The following ST8SIA5 variants were observed in gnomAD, a reference collection of about 807,000 sequenced individuals.
The protein encoded by ST8SIA5 is ST8 alpha-N-acetyl-neuraminide alpha-2,8-sialyltransferase 5.
ST8SIA5 carries 24 observed loss-of-function variants against 40.2 expected under a neutral mutation model. That is an observed-to-expected ratio of 0.60 (90% CI 0.43 to 0.84). ST8SIA5 has a LOEUF of 0.84. Ranked by LOEUF, ST8SIA5 falls within the 40% of genes least tolerant of loss-of-function variation. The pLI is 0.00. For missense variants in ST8SIA5, 465 were observed against 498.5 expected (o/e 0.93, Z 0.64); for synonymous variants, 198 against 201.8 (o/e 0.98, Z 0.16).
intron 2 of ST8SIA5, among the ~76,000 whole-genome samples, chr18:46,704,238 A>G (rs950250494): frequency 9.9e-5 from 15 of 152,192 alleles, no homozygotes; most frequent in African/African-American, 3.6e-4. Flanking sequence ...ATTTCAGGCA[A>G]AACAGTCCTG....
chr18:46,703,370 G>A (rs1011545537), intron 2 of ST8SIA5, among the ~76,000 whole-genome samples: 7 of 152,082 alleles, frequency 4.6e-5, no homozygotes, highest in African/African-American at 1.4e-4. Flanking sequence ...GGATGGTCTC[G>A]ATCTCCTGAC....
intron 2 of ST8SIA5, among the ~76,000 whole-genome samples, chr18:46,692,528 C>T (rs537525596): frequency 2.0e-5 from 3 of 151,894 alleles, no homozygotes; most frequent in East Asian, 1.9e-4. Context: ...CTCAGCCTAC[C>T]GAGTAGCTGG....
chr18:46,750,305 A>C (rs2040184180), intron 1 of ST8SIA5, among the ~76,000 whole-genome samples: 1 of 152,148 alleles, frequency 6.6e-6, no homozygotes, highest in African/African-American at 2.4e-5. Context: ...CCCTCTGTTA[A>C]AGTGTAAACA....
chr18:46,731,289 G>A (rs2039982588), intron 1 of ST8SIA5, among the ~76,000 whole-genome samples: 1 of 152,176 alleles, frequency 6.6e-6, no homozygotes, highest in Non-Finnish European at 1.5e-5. Flanking sequence ...AACTCTTTTG[G>A]CGTTGCACAA....
chr18:46,727,759 G>A (rs190236829), intron 1 of ST8SIA5, among the ~76,000 whole-genome samples: 9 of 152,210 alleles, frequency 5.9e-5, no homozygotes, highest in African/African-American at 1.2e-4. Flanking sequence ...CAAGCCCGGC[G>A]TCAGGGCCCA....
intron 2 of ST8SIA5, among the ~76,000 whole-genome samples, chr18:46,703,450 G>A (rs1190156871): frequency 6.6e-6 from 1 of 152,194 alleles, no homozygotes; most frequent in Non-Finnish European, 1.5e-5. Flanking sequence ...TTAAAGGGTA[G>A]GTAATAGTGT....
At chr18:46,746,926 A>G (rs535971272) in intron 1 of ST8SIA5, among the ~76,000 whole-genome samples, 16 of 152,332 alleles carry the variant, frequency 1.1e-4, no homozygotes, top group Non-Finnish European at 2.4e-4. Context: ...CACATCTACA[A>G]CCATCTGATC....
chr18:46,746,896 A>T (rs1010415901), intron 1 of ST8SIA5, among the ~76,000 whole-genome samples: 3 of 152,234 alleles, frequency 2.0e-5, no homozygotes, highest in African/African-American at 7.2e-5. Context: ...AACAGAACAG[A>T]GGCCTCAGAA....
intron 1 of ST8SIA5, among the ~76,000 whole-genome samples, chr18:46,755,994 G>C (rs1599162599): frequency 6.6e-6 from 1 of 152,114 alleles, no homozygotes; most frequent in Non-Finnish European, 1.5e-5. Flanking sequence ...ACAAACAATC[G>C]ATACGATTTT....
At chr18:46,739,025 C>A (rs1287639636) in intron 1 of ST8SIA5, among the ~76,000 whole-genome samples, 1 of 152,214 alleles carries the variant, frequency 6.6e-6, no homozygotes, top group East Asian at 1.9e-4. Flanking sequence ...GTCTCATTTC[C>A]TGTCCACTGC....
intron 1 of ST8SIA5, among the ~76,000 whole-genome samples, chr18:46,710,367 C>CT (rs1239306239): frequency 5.5e-4 from 13 of 23,438 alleles, no homozygotes; most frequent in Non-Finnish European, 7.3e-4. Context: ...TCTTTCTTTT[C>CT]TTTCTTTCTT....
intron 1 of ST8SIA5, among the ~76,000 whole-genome samples, chr18:46,716,086 G>GGATA (rs61514320): frequency 0.27 from 37,767 of 139,488 alleles, 5,215 homozygotes; most frequent in Middle Eastern, 0.32. Flanking sequence ...GAGTCACACA[G>GGATA]GATAGATAGA....
At chr18:46,750,673 C>T (rs982175503) in intron 1 of ST8SIA5, among the ~76,000 whole-genome samples, 7 of 152,176 alleles carry the variant, frequency 4.6e-5, no homozygotes, top group East Asian at 3.9e-4. Context: ...CTCACTCTGA[C>T]GCCCTCGTCC....
chr18:46,712,105 C>T lies in ST8SIA5; in HGVS notation c.132-7441G>A, dbSNP rs567574418. Among the ~76,000 whole-genome samples the T allele has an allele frequency of 2.0e-5, 3 of 152,260 alleles. No homozygotes were observed. In the South Asian group the frequency reaches 6.2e-4, roughly 32 times the overall value. ...CCCCACCCCGGAGTTCTGCAGGGCCCCAGATCCAGTGTTTAACATATTCCC... is the reference window on the plus strand; with the variant it reads ...CCCCACCCCGGAGTTCTGCAGGGCCTCAGATCCAGTGTTTAACATATTCCC... On this transcript the variant is annotated intron_variant, in intron 1 of 6. Coordinates refer to ENST00000315087, the MANE Select transcript of ST8SIA5 (RefSeq NM_013305.6).
intron 1 of ST8SIA5, among the ~76,000 whole-genome samples, chr18:46,704,904 C>T (rs2039655170): frequency 6.6e-6 from 1 of 152,200 alleles, no homozygotes; most frequent in Non-Finnish European, 1.5e-5. Flanking sequence ...TTTACAGAGG[C>T]ATAAACAGAT....
intron 2 of ST8SIA5, among the ~76,000 whole-genome samples, chr18:46,693,093 C>T (rs2039523958): frequency 1.3e-5 from 2 of 152,090 alleles, no homozygotes; most frequent in East Asian, 1.9e-4. Context: ...GGCATGCCTC[C>T]TGTTTCTAGG....
rs957178885 is a variant in ST8SIA5 at position 46,675,484 on chromosome 18, GAC to G, written c.*4556_*4557del. The G allele has an allele frequency of 1.3e-5, 2 of 152,206 alleles. No homozygotes were observed. The highest frequency in any genetic ancestry group is 2.9e-5 in the Non-Finnish European group (2 of 68,048). The allele number at this position is 152,206 out of a possible 1,614,324, so 9.4% of individuals were successfully genotyped here. ...ATGTTGAGGTCTGAGATGCTGTGCA[GAC>G]ACAGACATGCAGGAGGCCACAGTGA... On this transcript the variant is annotated 3_prime_UTR_variant, in exon 7 of 7. Coordinates refer to ENST00000315087, the MANE Select transcript of ST8SIA5 (RefSeq NM_013305.6).
At position 46,732,690 on chromosome 18, in the gene ST8SIA5, T is replaced by C. The variant is rs563971146; in HGVS notation, c.131+23688A>G. On this transcript the variant is annotated intron_variant, in intron 1 of 6. Transcript: ENST00000315087. ...ATTCACAAACGTTGCTATTTAACTTTTGTGGGAGGATAATCTATTGAATTA... is the reference window on the plus strand; with the variant it reads ...ATTCACAAACGTTGCTATTTAACTTCTGTGGGAGGATAATCTATTGAATTA... 2.0e-5 allele frequency among the ~76,000 whole-genome samples: 3 copies of C among 152,336 alleles called. No individual in the cohort carries two copies. The East Asian group carries it at 5.8e-4, about 29-fold the overall frequency.
chr18:46,684,120 C>T (rs2039423873), intron 5 of ST8SIA5, among the ~76,000 whole-genome samples: 1 of 152,194 alleles, frequency 6.6e-6, no homozygotes, highest in African/African-American at 2.4e-5. Flanking sequence ...CCCACAGCAT[C>T]TCCAAAAGTA....
Sources: gnomAD v4.1 joint callset for allele counts (sites outside exome capture counted in the v4.1 genomes callset) on GRCh38, gnomAD v4.1.1 for gene constraint, MANE v1.5 for transcripts, NCBI Gene and HGNC (gene_info 2026-07-23, HGNC 2026-07-21) for gene names.